AMER3: variants seen among roughly 807,000 people sequenced by gnomAD.
AMER3 encodes APC membrane recruitment protein 3, also known as family with sequence similarity 123C.
For synonymous variants in AMER3, 541 were observed against 485.5 expected (o/e 1.11, Z -1.50); for missense variants, 1,201 against 1,139.4 (o/e 1.05, Z -0.78).
At position 130,763,776 on chromosome 2, in the gene AMER3, G is replaced by T; in HGVS notation, c.1704G>T (p.Leu568=). 6.2e-7 allele frequency: 1 copy of T among 1,604,498 alleles called. No homozygotes were observed. The change falls in exon 2 of 2, where the codon CTG becomes CTT. Residue 568 remains leucine, a synonymous_variant. Transcript: ENST00000321420. ...GCTCAGCACCCAGCAGGCAGGAGCTGTGGGCACACCCGGGCACCACAGGCC... is the reference window on the plus strand; with the variant it reads ...GCTCAGCACCCAGCAGGCAGGAGCTTTGGGCACACCCGGGCACCACAGGCC... ...TVCSAPSRQE[L]WAHPGTTGLL...
At position 130,764,479 on chromosome 2, in the gene AMER3, T is replaced by A; in HGVS notation, c.2407T>A (p.Trp803Arg). ...GCCCCGCTCAGCCCCTGCTGCCCGG[T>A]GGAGTTCCCAGGGCCACCATCCAGA... ...SEPRSAPAAR[W>R]SSQGHHPESL... The change falls in exon 2 of 2, where the codon TGG becomes AGG. Residue 803 changes from tryptophan to arginine, a missense_variant. Physicochemically the swap from Trp to Arg is moderately radical, Grantham distance 101. Coordinates refer to ENST00000321420, the MANE Select transcript of AMER3 (RefSeq NM_152698.3). 6.3e-7 allele frequency: 1 copy of A among 1,599,100 alleles called. No individual in the cohort carries two copies. The highest frequency in any genetic ancestry group is 8.5e-7 in the Non-Finnish European group (1 of 1,173,472).
intron 1 of AMER3, among the ~76,000 whole-genome samples, chr2:130,760,758 C>G (rs1179653787): frequency 6.6e-6 from 1 of 152,108 alleles, no homozygotes; most frequent in Non-Finnish European, 1.5e-5. Flanking sequence ...TCAGTCTGCC[C>G]TCTCTTCCTG....
intron 1 of AMER3, among the ~76,000 whole-genome samples, chr2:130,756,639 C>G (rs937926766): frequency 3.3e-5 from 5 of 152,114 alleles, no homozygotes; most frequent in African/African-American, 9.7e-5. Flanking sequence ...GAGCCAATAT[C>G]GCTGTGAGGC....
At chr2:130,756,003 G>T (rs185723928) in intron 1 of AMER3, 3 of 152,350 alleles carry the variant, frequency 2.0e-5, no homozygotes, top group Admixed American at 2.0e-4. Flanking sequence ...AGCCGCAACC[G>T]GGTGGGAGGC....
At chr2:130,757,266 T>G (rs1169312115) in intron 1 of AMER3, among the ~76,000 whole-genome samples, 2 of 152,170 alleles carry the variant, frequency 1.3e-5, no homozygotes, top group East Asian at 3.8e-4. Flanking sequence ...TTTGCCCAAT[T>G]TGCAATAAAT....
In AMER3 at chr2:130,757,054, G is replaced by GT. The variant is rs1466752033; in HGVS notation, c.-20+1387dup. Reference sequence around the variant, plus strand: ...AAAATACCAAAACTATTAGCCAAACGTTTTTTTGTCTCAAGGCGTTTCTGT... The same window carrying GT: ...AAAATACCAAAACTATTAGCCAAACGTTTTTTTTGTCTCAAGGCGTTTCTGT... On this transcript the variant is annotated intron_variant, in intron 1 of 1. Transcript: ENST00000321420. Among the ~76,000 whole-genome samples the GT allele has an allele frequency of 2.0e-5, 3 of 151,772 alleles. No homozygotes were observed. The South Asian group carries it at 6.2e-4, about 32-fold the overall frequency.
At chr2:130,755,929 G>A (rs2104768605) in intron 1 of AMER3, 1 of 152,402 alleles carries the variant, frequency 6.6e-6, no homozygotes, top group African/African-American at 2.4e-5. Context: ...CCGGAAGAGG[G>A]GACAGCGGCG....
At position 130,762,439 on chromosome 2, in the gene AMER3, A is replaced by C. The variant is rs763229521; in HGVS notation, c.367A>C (p.Ser123Arg). The C allele has an allele frequency of 2.6e-5, 42 of 1,612,736 alleles. No homozygotes were observed. The East Asian group carries it at 8.7e-4, about 33-fold the overall frequency. ...TGCAAGCTTCCCGGGCTCCCCGGGC[A>C]GCCGGCGCATGATCGACTACCGCCA... ...GSASFPGSPG[S>R]RRMIDYRHFV... The change falls in exon 2 of 2, where the codon AGC (serine) becomes CGC (arginine). Residue 123 changes from serine (S) to arginine (R), a missense_variant. By Grantham distance (110) the Ser-to-Arg change is moderately radical (BLOSUM62 -1). Transcript: ENST00000321420.
chr2:130,762,306 C>T lies in AMER3; in HGVS notation c.234C>T (p.Pro78=), dbSNP rs551831783. The T allele has an allele frequency of 1.9e-5, 31 of 1,603,032 alleles. No individual in the cohort carries two copies. Among genetic ancestry groups the T allele is most frequent in the African/African-American group, 1.1e-4 (8 of 74,810 alleles). The change falls in exon 2 of 2, where the codon CCC becomes CCT. Residue 78 remains proline (P), a synonymous_variant. Coordinates refer to ENST00000321420, the MANE Select transcript of AMER3 (RefSeq NM_152698.3). The part of the protein sequence containing the change: ...KGAQLDPKGG[P]AALCGATFKP... The stretch of plus-strand genomic sequence containing the variant: ...CGCAGCTGGACCCCAAAGGGGGACC[C>T]GCAGCCCTCTGTGGAGCCACCTTCA...
Position 130,762,259 on chromosome 2 carries a change from G to C in AMER3, c.187G>C (p.Asp63His), listed in dbSNP as rs371220044. The C allele has an allele frequency of 6.3e-7, 1 of 1,578,492 alleles. No individual in the cohort carries two copies. The highest frequency in any genetic ancestry group is 8.6e-7 in the Non-Finnish European group (1 of 1,163,444). Residue 63 changes from aspartate to histidine, a missense_variant, in exon 2 of 2, where the codon GAC (aspartate) becomes CAC (histidine). Coordinates refer to ENST00000321420, the MANE Select transcript of AMER3 (RefSeq NM_152698.3). ...PQASPSAQEY[D>H]RCPNKGAQLD... is the part of the protein sequence containing the mutation. ...AGCCAGCCCCAGTGCCCAAGAATAC[G>C]ACAGATGCCCCAACAAAGGGGCGCA...
At chr2:130,758,295 C>T (rs1418159930) in intron 1 of AMER3, among the ~76,000 whole-genome samples, 3 of 149,788 alleles carry the variant, frequency 2.0e-5, no homozygotes, top group African/African-American at 4.9e-5. Flanking sequence ...ACCCAGGAGA[C>T]GGAGGTTGCA....
rs1241972854 is a variant in AMER3 at position 130,762,792 on chromosome 2, A to G, written c.720A>G (p.Ser240=). The G allele has an allele frequency of 1.9e-6, 3 of 1,611,092 alleles. No homozygotes were observed. The highest frequency in any genetic ancestry group is 2.2e-5 in the South Asian group (2 of 90,954). Reference sequence around the variant, plus strand: ...GGGCCCTGTGTGAGGACGTGGCCTCACTCCAGAGCTTCGACTCGCTCACGG... The same window carrying G: ...GGGCCCTGTGTGAGGACGTGGCCTCGCTCCAGAGCTTCGACTCGCTCACGG... ...LCRALCEDVA[S]LQSFDSLTGC... is the part of the protein sequence containing the mutation. The change falls in exon 2 of 2, where the codon TCA becomes TCG. Residue 240 remains serine, a synonymous_variant. Coordinates refer to ENST00000321420, the MANE Select transcript of AMER3 (RefSeq NM_152698.3).
Position 130,766,419 on chromosome 2 carries a change from T to TAA in AMER3, c.*1763_*1764dup, listed in dbSNP as rs1424912639. Reference sequence around the variant, plus strand: ...AACTGTGACCAGATCATTTATAAAGTAAAGAAGTTTATTTGGCTTGTAATT... The same window carrying TAA: ...AACTGTGACCAGATCATTTATAAAGTAAAAAGAAGTTTATTTGGCTTGTAATT... On this transcript the variant is annotated 3_prime_UTR_variant, in exon 2 of 2. Transcript: ENST00000321420. The TAA allele has an allele frequency of 6.0e-6, 1 of 166,508 alleles. No homozygotes were observed. Among genetic ancestry groups the TAA allele is most frequent in the Non-Finnish European group, 1.5e-5 (1 of 68,198 alleles). The allele number at this position is 166,508 out of a possible 1,614,324, so 10.3% of individuals were successfully genotyped here.
In AMER3 at chr2:130,763,437, G is replaced by A. The variant is rs199561700; in HGVS notation, c.1365G>A (p.Thr455=). Residue 455 remains threonine (T), a synonymous_variant, in exon 2 of 2, where the codon ACG becomes ACA. Coordinates refer to ENST00000321420, the MANE Select transcript of AMER3 (RefSeq NM_152698.3). ...SESLSGPALG[T]PLSICSFRVG... is the part of the protein sequence containing the mutation. ...GTCTGTCAGGGCCGGCCCTGGGGAC[G>A]CCACTGTCCATATGCAGCTTCCGAG... 133 of 1,612,874 alleles carry A rather than the reference G, an allele frequency of 8.2e-5. No homozygotes were observed. Among genetic ancestry groups the A allele is most frequent in the Non-Finnish European group, 1.1e-4 (125 of 1,180,012 alleles).
At position 130,763,595 on chromosome 2, in the gene AMER3, T is replaced by C; in HGVS notation, c.1523T>C (p.Ile508Thr). 6.2e-7 allele frequency: 1 copy of C among 1,606,236 alleles called. No individual in the cohort carries two copies. The change falls in exon 2 of 2, where the codon ATC becomes ACC. Residue 508 changes from isoleucine to threonine, a missense_variant. Ile to Thr is a moderately conservative substitution (Grantham distance 89). Transcript: ENST00000321420. ...ACTGAGCTCGCCATCACCATGGGCATCGTCAGCTGGCTGCGCCGAGGCCCC... is the reference window on the plus strand; with the variant it reads ...ACTGAGCTCGCCATCACCATGGGCACCGTCAGCTGGCTGCGCCGAGGCCCC... ...CDTELAITMG[I>T]VSWLRRGPTP...
rs773349193 is a variant in AMER3, at chr2:130,762,807, C to T, written c.735C>T (p.Asp245=). ...ACGTGGCCTCACTCCAGAGCTTCGA[C>T]TCGCTCACGGGTTGTGGGGAGGTGT... is the stretch of plus-strand genomic sequence containing the variant. ...CEDVASLQSF[D]SLTGCGEVFA... The change falls in exon 2 of 2, where the codon GAC becomes GAT. Residue 245 remains aspartate (D), a synonymous_variant. Coordinates refer to ENST00000321420, the MANE Select transcript of AMER3 (RefSeq NM_152698.3). The T allele has an allele frequency of 2.5e-6, 4 of 1,612,906 alleles. No individual in the cohort carries two copies. In the Admixed American group the frequency reaches 6.7e-5, roughly 27 times the overall value.
At chr2:130,760,014 G>A (rs889015082) in intron 1 of AMER3, among the ~76,000 whole-genome samples, 3 of 152,218 alleles carry the variant, frequency 2.0e-5, no homozygotes, top group African/African-American at 7.2e-5. Flanking sequence ...CCTTATCACG[G>A]CTGCAAAGGA....
chr2:130,758,402 AG>A (rs1317597495), intron 1 of AMER3, among the ~76,000 whole-genome samples: 2 of 150,834 alleles, frequency 1.3e-5, no homozygotes, highest in African/African-American at 4.9e-5. Context: ...AAGGAAAGGA[AG>A]GAAGGAAGGA....
rs1369835145 is a variant in AMER3, at chr2:130,764,325, C to A, written c.2253C>A (p.Asp751Glu). Residue 751 changes from aspartate (D) to glutamate (E), a missense_variant, in exon 2 of 2, where the codon GAC becomes GAA. Asp to Glu is a conservative substitution (Grantham distance 45). Transcript: ENST00000321420. ...AGAGGTGTCGAGATCGTGTCCAGGA[C>A]CTGAGCTGGCTCAGGGTGGAGCCCA... ...QDQRCRDRVQ[D>E]LSWLRVEPTG... The A allele has an allele frequency of 3.1e-6, 5 of 1,608,688 alleles. No homozygotes were observed. Among genetic ancestry groups the A allele is most frequent in the Non-Finnish European group, 4.3e-6 (5 of 1,176,454 alleles).
Sources: gnomAD v4.1 joint callset for allele counts (sites outside exome capture counted in the v4.1 genomes callset) on GRCh38, gnomAD v4.1.1 for gene constraint, MANE v1.5 for transcripts, NCBI Gene and HGNC (gene_info 2026-07-23, HGNC 2026-07-21) for gene names.